WWP2: variants seen among roughly 807,000 people sequenced by gnomAD.
WWP2 encodes NEDD4-like E3 ubiquitin-protein ligase WWP2.
A neutral mutation model predicts 121.0 loss-of-function variants in WWP2; 57 were observed. That is an observed-to-expected ratio of 0.47 (90% CI 0.38 to 0.59). The LOEUF (loss-of-function observed/expected upper bound fraction) is 0.59, where lower values mean the gene tolerates loss of function less well. Among genes scored for constraint, WWP2 ranks in the 20% least tolerant of loss-of-function variants. The pLI, the probability that WWP2 is intolerant of heterozygous loss-of-function variation, is 0.00. For missense variants in WWP2, 962 were observed against 1,158.9 expected, an observed-to-expected ratio of 0.83 and a Z score of 2.47; for synonymous variants, 449 against 441.3, an observed-to-expected ratio of 1.02 and a Z score of -0.22.
At chr16:69,797,907 A>T (rs1159315577) in intron 2 of WWP2, among the ~76,000 whole-genome samples, 1 of 151,358 alleles carries the variant, frequency 6.6e-6, no homozygotes, top group Non-Finnish European at 1.5e-5. Flanking sequence ...AAAAAAAATT[A>T]TAAATTTTGT....
intron 9 of WWP2, among the ~76,000 whole-genome samples, chr16:69,917,311 T>G (rs1292860636): frequency 6.6e-6 from 1 of 152,240 alleles, no homozygotes; most frequent in Non-Finnish European, 1.5e-5. Context: ...TAATAGCCAG[T>G]GGCCCCCAGG....
Position 69,799,174 on chromosome 16 carries a change from G to A in WWP2, c.219G>A (p.Leu73=). The A allele has an allele frequency of 1.2e-6, 2 of 1,609,790 alleles. No individual in the cohort carries two copies. Among genetic ancestry groups the A allele is most frequent in the Non-Finnish European group, 1.7e-6 (2 of 1,178,684 alleles). ...SELLWNEIII[L]NVTAQSHLDL... Reference sequence around the variant, plus strand: ...AATGAATCAGGTATTTGTTTTTCAGGAATGTCACGGCACAGAGTCATTTAG... The same window carrying A: ...AATGAATCAGGTATTTGTTTTTCAGAAATGTCACGGCACAGAGTCATTTAG... Residue 73 remains leucine (L), a splice_region_variant and synonymous_variant, in exon 4 of 24, where the codon TTG becomes TTA. Transcript: ENST00000359154. This position sits in a 1 kb window ranked among gnomAD's most constrained non-coding sequence, Gnocchi z 4.5.
intron 4 of WWP2, among the ~76,000 whole-genome samples, chr16:69,807,386 T>G (rs2056300845): frequency 6.6e-6 from 1 of 151,790 alleles, no homozygotes; most frequent in Admixed American, 6.6e-5. Context: ...TTTGTACTTG[T>G]CTTTGAATTT....
At chr16:69,887,483 G>A (rs931818380) in intron 7 of WWP2, among the ~76,000 whole-genome samples, 3 of 152,096 alleles carry the variant, frequency 2.0e-5, no homozygotes, top group African/African-American at 7.2e-5. Context: ...TTGGCTGACT[G>A]CAAACTCTGC....
At chr16:69,809,454 A>G (rs12919094) in intron 4 of WWP2, among the ~76,000 whole-genome samples, 48,040 of 151,836 alleles carry the variant, frequency 0.32, 9,322 homozygotes, top group Non-Finnish European at 0.43. Flanking sequence ...AGGGAATTCT[A>G]GGATGAGACA....
chr16:69,822,312 A>G (rs2056607599), intron 4 of WWP2, among the ~76,000 whole-genome samples: 1 of 152,196 alleles, frequency 6.6e-6, no homozygotes, highest in African/African-American at 2.4e-5. Flanking sequence ...CTGATTTATC[A>G]GCTTTCGTGC....
At chr16:69,866,671 T>C (rs1405741677) in intron 6 of WWP2, among the ~76,000 whole-genome samples, 2 of 152,148 alleles carry the variant, frequency 1.3e-5, no homozygotes, top group African/African-American at 2.4e-5. Flanking sequence ...GTAATACTCA[T>C]ATGTATGCAT....
At chr16:69,929,773 T>G (rs1411266869) in intron 12 of WWP2, among the ~76,000 whole-genome samples, 1 of 152,140 alleles carries the variant, frequency 6.6e-6, no homozygotes, top group African/African-American at 2.4e-5. Flanking sequence ...GTGTTGCTGG[T>G]CTCCATACTG....
At chr16:69,789,059 T>C (rs1270054583) in intron 2 of WWP2, among the ~76,000 whole-genome samples, 17 of 152,132 alleles carry the variant, frequency 1.1e-4, no homozygotes, top group Admixed American at 1.1e-3. Context: ...TTTTTAATTT[T>C]ATTATTATTA....
chr16:69,799,838 G>T lies in WWP2; in HGVS notation c.340+543G>T, dbSNP rs1240827616. 6.6e-6 allele frequency among the ~76,000 whole-genome samples: 1 copy of T among 152,156 alleles called. No homozygotes were observed. Among genetic ancestry groups the T allele is most frequent in the African/African-American group, 2.4e-5 (1 of 41,436 alleles). On this transcript the variant is annotated intron_variant, in intron 4 of 23. Transcript: ENST00000359154. This position sits in a 1 kb window ranked among gnomAD's most constrained non-coding sequence, Gnocchi z 4.5. ...GGACGCGCCATCTGAATTAGCCAAC[G>T]TGCCTCTACGTCACGGACATATAAA...
intron 2 of WWP2, among the ~76,000 whole-genome samples, chr16:69,792,333 G>A (rs2055930652): frequency 6.6e-6 from 1 of 152,186 alleles, no homozygotes; most frequent in African/African-American, 2.4e-5. Flanking sequence ...GAGAGCAGAT[G>A]CCAGACTCTA....
At chr16:69,863,855 C>T (rs76050961) in intron 6 of WWP2, among the ~76,000 whole-genome samples, 15 of 152,244 alleles carry the variant, frequency 9.9e-5, no homozygotes, top group East Asian at 9.6e-4. Context: ...TAGCATAATG[C>T]GGTTGTGATT....
chr16:69,816,786 C>T (rs969380916), intron 4 of WWP2, among the ~76,000 whole-genome samples: 2 of 151,832 alleles, frequency 1.3e-5, no homozygotes, highest in Admixed American at 6.6e-5. Flanking sequence ...TACACATATA[C>T]ACACACACAT....
At chr16:69,778,184 ATATATATATT>A (rs2055579578) in intron 1 of WWP2, among the ~76,000 whole-genome samples, 1 of 90,094 alleles carries the variant, frequency 1.1e-5, no homozygotes, top group Non-Finnish European at 1.9e-5. Flanking sequence ...ATATATATAT[ATATATATATT>A]TTTTTTTTTT....
At chr16:69,920,122 C>T (rs2058537850) in intron 10 of WWP2, among the ~76,000 whole-genome samples, 1 of 152,094 alleles carries the variant, frequency 6.6e-6, no homozygotes, top group Admixed American at 6.5e-5. Flanking sequence ...TAATCATCAG[C>T]CATAAGTCAC....
At chr16:69,806,073 C>A (rs370808516) in intron 4 of WWP2, among the ~76,000 whole-genome samples, 1 of 151,912 alleles carries the variant, frequency 6.6e-6, no homozygotes, top group East Asian at 1.9e-4. Flanking sequence ...TGATGGTGTA[C>A]GCCTGTAGTC....
chr16:69,784,647 T>C (rs1597660570), intron 1 of WWP2, among the ~76,000 whole-genome samples: 1 of 152,334 alleles, frequency 6.6e-6, no homozygotes, highest in Non-Finnish European at 1.5e-5. Context: ...CCTGAGCACG[T>C]GTTTTTAATA....
chr16:69,841,934 A>C, intron 5 of WWP2, 90 bp from the exon 6 acceptor site: 1 of 1,322,452 alleles, frequency 7.6e-7, no homozygotes, highest in Non-Finnish European at 1.1e-6. Context: ...TCTAACACAC[A>C]GACGGAGTTC....
intron 6 of WWP2, among the ~76,000 whole-genome samples, chr16:69,847,928 T>G (rs1183625403): frequency 6.6e-6 from 1 of 152,148 alleles, no homozygotes; most frequent in African/African-American, 2.4e-5. Flanking sequence ...CAAGTTGGAA[T>G]GAAGCCCACA....
Sources: gnomAD v4.1 joint callset for allele counts (sites outside exome capture counted in the v4.1 genomes callset) on GRCh38, gnomAD v4.1.1 for gene constraint, Gnocchi (gnomAD v3.1) non-coding constraint, MANE v1.5 for transcripts, NCBI Gene and HGNC (gene_info 2026-07-23, HGNC 2026-07-21) for gene names.